Variants in MRPL4 observed in about 807,000 individuals in gnomAD.
The protein encoded by MRPL4 is large ribosomal subunit protein uL4m.
In MRPL4, 34 loss-of-function variants were observed where a neutral mutation model predicts 34.1. That is an observed-to-expected ratio of 1.00 (90% CI 0.76 to 1.33). MRPL4 has a LOEUF of 1.33. Ranked by LOEUF, MRPL4 falls within the 40% of genes most tolerant of loss-of-function variation. The probability of loss-of-function intolerance (pLI) is 0.00; values close to 1 mark genes in which losing one functional copy is unlikely to be tolerated. For missense variants in MRPL4, 402 were observed against 434.6 expected (o/e 0.92, Z 0.67); for synonymous variants, 196 against 188.3 (o/e 1.04, Z -0.33).
chr19:10,259,866 C>T lies in MRPL4; in HGVS notation c.*53C>T, dbSNP rs11115. The T allele has an allele frequency of 0.35, 527,468 of 1,499,740 alleles. 93,333 individuals carry two copies. The highest frequency in any genetic ancestry group is 0.47 in the Admixed American group (24,072 of 51,690). 92.9% of individuals were successfully genotyped at this position (1,499,740 alleles called of 1,614,324 possible). On this transcript the variant is annotated 3_prime_UTR_variant, in exon 9 of 9. Transcript: ENST00000253099. Reference sequence around the variant, plus strand: ...GAGCCCCTGGCCGACTTGGGAGCCTCAGGCCCACGCCCACCCTTCGAGGAA... The same window carrying T: ...GAGCCCCTGGCCGACTTGGGAGCCTTAGGCCCACGCCCACCCTTCGAGGAA...
upstream of MRPL4, chr19:10,252,205 C>CAA: frequency 1.3e-6 from 2 of 1,522,392 alleles, no homozygotes; most frequent in Admixed American, 2.6e-5. Flanking sequence ...CGGCGCCTCG[C>CAA]GAGGCTCCAG....
chr19:10,258,726 G>A (rs778859140), intron 8 of MRPL4, 41 bp downstream of exon 8: 1 of 1,613,960 alleles, frequency 6.2e-7, no homozygotes, highest in Non-Finnish European at 8.5e-7. Flanking sequence ...GCATGTGCAG[G>A]CTCCGCTGTT....
intron 3 of MRPL4, chr19:10,252,999 G>A (rs1218289648): frequency 7.5e-6 from 3 of 401,206 alleles, no homozygotes; most frequent in African/African-American, 2.0e-5. Context: ...GTCAGCGGTC[G>A]GGAGGTTGCT....
At position 10,256,808 on chromosome 19, in the gene MRPL4, C is replaced by G; in HGVS notation, c.428C>G (p.Ser143Cys). 2.0e-6 allele frequency: 3 copies of G among 1,523,842 alleles called. No homozygotes were observed. The highest frequency in any genetic ancestry group is 1.4e-5 in the African/African-American group (1 of 69,568). The allele number at this position is 1,523,842 out of a possible 1,614,324, so 94.4% of individuals were successfully genotyped here. A position where few individuals can be genotyped will look rare whatever the true frequency, so the allele number is the denominator to read the frequency against. Residue 143 changes from serine (S) to cysteine (C), a missense_variant, in exon 5 of 9, where the codon TCT (serine) becomes TGT (cysteine). Coordinates refer to ENST00000253099, the MANE Select transcript of MRPL4 (RefSeq NM_015956.3). Reference protein sequence around the residue: ...TGRARHGSIRSPLWRGGGVAH... With the variant: ...TGRARHGSIRCPLWRGGGVAH... ...CGGGCCCGGCATGGCAGCATCCGCT[C>G]TCCGCTCTGGCGAGGAGGTAACAGG...
Position 10,256,802 on chromosome 19 carries a change from T to A in MRPL4, c.422T>A (p.Ile141Asn). ...KGTGRARHGS[I>N]RSPLWRGGGV... ...ACTGGGCGGGCCCGGCATGGCAGCATCCGCTCTCCGCTCTGGCGAGGAGGT... is the reference window on the plus strand; with the variant it reads ...ACTGGGCGGGCCCGGCATGGCAGCAACCGCTCTCCGCTCTGGCGAGGAGGT... The change falls in exon 5 of 9, where the codon ATC becomes AAC. Residue 141 changes from isoleucine (I) to asparagine (N), a missense_variant. Ile to Asn is a moderately radical substitution (Grantham distance 149). Coordinates refer to ENST00000253099, the MANE Select transcript of MRPL4 (RefSeq NM_015956.3). The A allele has an allele frequency of 7.8e-7, 1 of 1,286,456 alleles. No individual in the cohort carries two copies. Among genetic ancestry groups the A allele is most frequent in the Non-Finnish European group, 1.0e-6 (1 of 991,116 alleles). The allele number at this position is 1,286,456 out of a possible 1,614,324, so 79.7% of individuals were successfully genotyped here. A position where few individuals can be genotyped will look rare whatever the true frequency, so the allele number is the denominator to read the frequency against.
chr19:10,259,768 AC>A lies in MRPL4; in HGVS notation c.895del (p.His299ThrfsTer20), dbSNP rs763723676. 1.9e-6 allele frequency: 3 copies of A among 1,612,642 alleles called. No individual in the cohort carries two copies. The highest frequency in any genetic ancestry group is 2.5e-6 in the Non-Finnish European group (3 of 1,179,490). On this transcript the variant is annotated frameshift_variant, in exon 9 of 9. Transcript: ENST00000253099. LOFTEE classifies it low-confidence loss of function (END_TRUNC). ...CCTACAGCGACTTCCCCCGACCCCT[AC>A]CCCACGCTACCCAGGGCCCAGCGGC... ...LPYSDFPRPL[P>X]HATQGPAATP...
At chr19:10,252,942 A>G in intron 3 of MRPL4, 1 of 552,020 alleles carries the variant, frequency 1.8e-6, no homozygotes, top group South Asian at 3.2e-5. Flanking sequence ...CCGACTGATT[A>G]GGTTCAAATC....
chr19:10,253,470 C>CAAAAAAAAAAA (rs571009042), intron 3 of MRPL4, among the ~76,000 whole-genome samples: 1 of 102,982 alleles, frequency 9.7e-6, no homozygotes. Flanking sequence ...CACTCTGTCT[C>CAAAAAAAAAAA]AAAAAAAAAA....
chr19:10,256,918 G>C (rs548590550), intron 5 of MRPL4, 93 bp downstream of exon 5: 1 of 1,048,784 alleles, frequency 9.5e-7, no homozygotes, highest in Admixed American at 3.2e-5. Context: ...CATCTGGCAT[G>C]GTATTATGTC....
At chr19:10,253,410 C>T (rs1165033981) in intron 3 of MRPL4, among the ~76,000 whole-genome samples, 2 of 136,248 alleles carry the variant, frequency 1.5e-5, no homozygotes, top group Non-Finnish European at 3.0e-5. Context: ...ACCCGGGAGG[C>T]GGAGCTTGCA....
Position 10,259,776 on chromosome 19 carries a change from C to T in MRPL4, c.899C>T (p.Ala300Val). 3.7e-6 allele frequency: 6 copies of T among 1,613,692 alleles called. No individual in the cohort carries two copies. The highest frequency in any genetic ancestry group is 5.1e-6 in the Non-Finnish European group (6 of 1,179,754). The change falls in exon 9 of 9, where the codon GCT becomes GTT. Residue 300 changes from alanine (A) to valine (V), a missense_variant. By Grantham distance (64) the Ala-to-Val change is moderately conservative. Transcript: ENST00000253099. ...YSDFPRPLPH[A>V]TQGPAATPYH... ...GACTTCCCCCGACCCCTACCCCACG[C>T]TACCCAGGGCCCAGCGGCCACCCCG...
chr19:10,257,506 C>T (rs2039863157), intron 5 of MRPL4, among the ~76,000 whole-genome samples: 1 of 152,044 alleles, frequency 6.6e-6, no homozygotes, highest in Non-Finnish European at 1.5e-5. Context: ...AGCTGAGCCT[C>T]TTTTCTGCCC....
At chr19:10,254,716 A>G in intron 4 of MRPL4, 76 bp downstream of exon 4, 1 of 1,536,800 alleles carries the variant, frequency 6.5e-7, no homozygotes. Flanking sequence ...GAGGAAGCCC[A>G]TCGCTGGGTT....
intron 8 of MRPL4, chr19:10,259,123 A>AAAC: frequency 4.7e-6 from 6 of 1,282,752 alleles, no homozygotes; most frequent in Admixed American, 3.8e-5. Context: ...AAAAAAAAAA[A>AAAC]AAGCTCCAAA....
chr19:10,253,118 C>T (rs1429472665), intron 3 of MRPL4: 1 of 167,688 alleles, frequency 6.0e-6, no homozygotes, highest in African/African-American at 2.4e-5. Context: ...CTAAACCATT[C>T]CTCGGTGCCT....
At chr19:10,254,835 C>T in intron 4 of MRPL4, 195 bp downstream of exon 4, 2 of 459,266 alleles carry the variant, frequency 4.4e-6, no homozygotes, top group Non-Finnish European at 7.9e-6. Flanking sequence ...GATGGAGTCT[C>T]ACTCTGTCAC....
In MRPL4 at chr19:10,252,257, C is replaced by T. The variant is rs749348229; in HGVS notation, c.4C>T (p.Leu2=). ...CGGCGTGGGAGGCTGCGCGGCGATG[C>T]TGCAGTTCGTCCGGGCCGGGGCGCG... M[L]QFVRAGARAW... The change falls in exon 1 of 9, where the codon CTG becomes TTG. Residue 2 remains leucine (L), a synonymous_variant. Coordinates refer to ENST00000253099, the MANE Select transcript of MRPL4 (RefSeq NM_015956.3). The T allele has an allele frequency of 7.5e-6, 12 of 1,606,050 alleles. No individual in the cohort carries two copies. The highest frequency in any genetic ancestry group is 9.3e-6 in the Non-Finnish European group (11 of 1,177,054).
chr19:10,259,598 G>A lies in MRPL4; in HGVS notation c.740-19G>A, dbSNP rs1049121229. The A allele has an allele frequency of 9.4e-5, 61 of 647,922 alleles. No individual in the cohort carries two copies. The highest frequency in any genetic ancestry group is 1.1e-4 in the Non-Finnish European group (58 of 532,318). The allele number at this position is 647,922 out of a possible 1,614,324, so 40.1% of individuals were successfully genotyped here. ...CCCGGCCTGACCGGCCCCCCGCCCC[G>A]CCCCCACCCCGCCCCCAGGCCTAAA... On this transcript the variant is annotated intron_variant, in intron 8 of 8. Coordinates refer to ENST00000253099, the MANE Select transcript of MRPL4 (RefSeq NM_015956.3).
Position 10,252,559 on chromosome 19 carries a change from G to A in MRPL4, c.133G>A (p.Glu45Lys). 1 of 1,613,178 alleles carries A rather than the reference G, an allele frequency of 6.2e-7. No homozygotes were observed. Among genetic ancestry groups the A allele is most frequent in the East Asian group, 2.2e-5 (1 of 44,848 alleles). ...PEQVASEGLPEPVLRKVELPV... is the reference protein window; with the variant it reads ...PEQVASEGLPKPVLRKVELPV... ...CCCCGCAATCGCTCCAGGTCTCCCG[G>A]AGCCCGTGCTGCGCAAAGTCGAGCT... Residue 45 changes from glutamate to lysine, a missense_variant, in exon 3 of 9, where the codon GAG becomes AAG. Transcript: ENST00000253099.
Sources: gnomAD v4.1 joint callset for allele counts (sites outside exome capture counted in the v4.1 genomes callset) on GRCh38, gnomAD v4.1.1 for gene constraint, MANE v1.5 for transcripts, NCBI Gene and HGNC (gene_info 2026-07-23, HGNC 2026-07-21) for gene names.